The following GPC5 variants were observed in gnomAD, a reference collection of about 807,000 sequenced individuals.
GPC5 encodes the protein glypican-5.
In GPC5, 47 loss-of-function variants were observed where a neutral mutation model predicts 53.9. That is an observed-to-expected ratio of 0.87 (90% CI 0.69 to 1.11). The LOEUF is 1.11. Ranked by LOEUF, GPC5 falls within the 50% of genes most tolerant of loss-of-function variation. The pLI is 0.00. For missense variants in GPC5, 748 were observed against 713.1 expected, an observed-to-expected ratio of 1.05 and a Z score of -0.56; for synonymous variants, 286 against 263.3, an observed-to-expected ratio of 1.09 and a Z score of -0.84.
chr13:92,523,403 G>T (rs1365960919), intron 7 of GPC5, among the ~76,000 whole-genome samples: 2 of 151,952 alleles, frequency 1.3e-5, no homozygotes, highest in Non-Finnish European at 2.9e-5. Context: ...TTTGATATTT[G>T]ACAAATACCT....
intron 7 of GPC5, among the ~76,000 whole-genome samples, chr13:92,334,465 C>T (rs2043308962): frequency 6.6e-6 from 1 of 152,086 alleles, no homozygotes; most frequent in Admixed American, 6.5e-5. Flanking sequence ...AGAGCCAAAC[C>T]ATATCATTCT....
At chr13:92,556,709 T>G (rs190064210) in intron 7 of GPC5, among the ~76,000 whole-genome samples, 1,574 of 151,980 alleles carry the variant, frequency 0.01, 11 homozygotes, top group Non-Finnish European at 0.017. Context: ...AAAATTACCT[T>G]TTTAGAAAGC....
chr13:91,479,994 A>G (rs1217313394), intron 2 of GPC5, among the ~76,000 whole-genome samples: 1 of 152,226 alleles, frequency 6.6e-6, no homozygotes, highest in East Asian at 1.9e-4. Context: ...TATAGTTTTT[A>G]TGCTCTAATT....
chr13:91,814,432 C>A (rs9515977), intron 5 of GPC5, among the ~76,000 whole-genome samples: 49,425 of 151,976 alleles, frequency 0.33, 9,484 homozygotes, highest in East Asian at 0.64. Flanking sequence ...AACCTGACAT[C>A]ATAATATTCG....
chr13:92,685,562 T>TTTTTTTTTTTTTAA, intron 7 of GPC5, among the ~76,000 whole-genome samples: 1 of 69,398 alleles, frequency 1.4e-5, no homozygotes, highest in African/African-American at 5.6e-5. Flanking sequence ...TTTTTTTAAT[T>TTTTTTTTTTTTTAA]TTTTTTTTTT....
chr13:92,379,938 A>C (rs1398394658), intron 7 of GPC5, among the ~76,000 whole-genome samples: 3 of 152,162 alleles, frequency 2.0e-5, no homozygotes, highest in African/African-American at 7.2e-5. Context: ...TGCATACCAG[A>C]AAGATGGCTC....
intron 7 of GPC5, among the ~76,000 whole-genome samples, chr13:92,564,599 G>A (rs1882806743): frequency 6.6e-6 from 1 of 151,910 alleles, no homozygotes; most frequent in South Asian, 2.1e-4. Context: ...ATTGAAGTTT[G>A]GGATACAAAT....
intron 7 of GPC5, among the ~76,000 whole-genome samples, chr13:92,341,677 C>A (rs950989836): frequency 2.0e-5 from 3 of 151,506 alleles, no homozygotes; most frequent in Non-Finnish European, 4.4e-5. Context: ...GCTTGTAATC[C>A]CAGTGATTTG....
At chr13:92,603,151 G>A (rs1412367311) in intron 7 of GPC5, among the ~76,000 whole-genome samples, 1 of 152,250 alleles carries the variant, frequency 6.6e-6, no homozygotes, top group East Asian at 1.9e-4. Flanking sequence ...TGACATAATG[G>A]TATAGTATGG....
At chr13:92,048,709 A>G (rs1046992545) in intron 6 of GPC5, among the ~76,000 whole-genome samples, 1 of 152,230 alleles carries the variant, frequency 6.6e-6, no homozygotes, top group Non-Finnish European at 1.5e-5. Context: ...ATATTAATAT[A>G]TTGCCTGAAC....
chr13:92,301,791 G>A (rs572824281), intron 7 of GPC5, among the ~76,000 whole-genome samples: 6 of 152,148 alleles, frequency 3.9e-5, no homozygotes, highest in East Asian at 3.9e-4. Flanking sequence ...CCAGCTACTC[G>A]GGAGGCTGAG....
chr13:91,760,081 A>T (rs2037378042), intron 5 of GPC5, among the ~76,000 whole-genome samples: 1 of 152,082 alleles, frequency 6.6e-6, no homozygotes, highest in Non-Finnish European at 1.5e-5. Context: ...TGATACAAGA[A>T]TTATGGGCCA....
intron 6 of GPC5, among the ~76,000 whole-genome samples, chr13:91,970,212 C>T (rs528622016): frequency 2.8e-4 from 43 of 152,140 alleles, no homozygotes; most frequent in Non-Finnish European, 5.9e-4. Context: ...TATGTGGAAC[C>T]TAAAAAAGGT....
chr13:92,133,942 A>G (rs1391031833), intron 6 of GPC5, among the ~76,000 whole-genome samples: 5 of 152,322 alleles, frequency 3.3e-5, no homozygotes, highest in African/African-American at 1.2e-4. Context: ...GGCAAAATTT[A>G]GCAGATGAGT....
chr13:91,719,750 A>C (rs1260039069), intron 3 of GPC5, among the ~76,000 whole-genome samples: 1 of 152,206 alleles, frequency 6.6e-6, no homozygotes, highest in Non-Finnish European at 1.5e-5. Flanking sequence ...TTTTAGAATA[A>C]AATATATTCT....
chr13:91,571,773 A>G lies in GPC5; in HGVS notation c.326-121414A>G, dbSNP rs1002085238. Among the ~76,000 whole-genome samples the G allele has an allele frequency of 2.5e-3, 288 of 114,146 alleles. 15 individuals are homozygous for G. The highest frequency in any genetic ancestry group is 9.4e-3 in the African/African-American group (281 of 29,888). The allele number at this position is 114,146 out of a possible 152,430, so 74.9% of individuals were successfully genotyped here. A position where few individuals can be genotyped will look rare whatever the true frequency, so the allele number is the denominator to read the frequency against. ...CACACATATACATGTGTATGTGTATATACACACACATATACGTGTGTGTAT... is the reference window on the plus strand; with the variant it reads ...CACACATATACATGTGTATGTGTATGTACACACACATATACGTGTGTGTAT... On this transcript the variant is annotated intron_variant, in intron 2 of 7. Coordinates refer to ENST00000377067, the MANE Select transcript of GPC5 (RefSeq NM_004466.6).
chr13:92,766,381 C>T (rs1158876913), intron 7 of GPC5, among the ~76,000 whole-genome samples: 1 of 151,848 alleles, frequency 6.6e-6, no homozygotes, highest in African/African-American at 2.4e-5. Context: ...TCTTGTATCT[C>T]AGAACTGATT....
chr13:92,331,573 C>G (rs1422301264), intron 7 of GPC5, among the ~76,000 whole-genome samples: 1 of 152,078 alleles, frequency 6.6e-6, no homozygotes, highest in Non-Finnish European at 1.5e-5. Flanking sequence ...GTGTTAATAA[C>G]TGGTAAGATT....
At chr13:92,408,614 TTA>T (rs759751587) in intron 7 of GPC5, among the ~76,000 whole-genome samples, 11 of 134,728 alleles carry the variant, frequency 8.2e-5, no homozygotes, top group Non-Finnish European at 1.3e-4. Context: ...GCGATCTACC[TTA>T]TATATATATA....
Sources: gnomAD v4.1 joint callset for allele counts (sites outside exome capture counted in the v4.1 genomes callset) on GRCh38, gnomAD v4.1.1 for gene constraint, MANE v1.5 for transcripts, NCBI Gene and HGNC (gene_info 2026-07-23, HGNC 2026-07-21) for gene names.